Variants in COL27A1 observed in about 807,000 individuals in gnomAD.
The protein encoded by COL27A1 is collagen alpha-1(XXVII) chain.
Under a neutral mutation model 251.3 loss-of-function variants are expected in COL27A1, and 106 were observed. The ratio of observed to expected loss-of-function variants is 0.42; its 90% CI spans 0.36 to 0.50. The LOEUF is 0.50. Ranked by LOEUF, COL27A1 falls within the 20% of genes least tolerant of loss-of-function variation. The probability of loss-of-function intolerance (pLI) is 0.00; values close to 1 mark genes in which losing one functional copy is unlikely to be tolerated. For synonymous variants in COL27A1, 1,000 were observed against 986.3 expected (o/e 1.01, Z -0.26); for missense variants, 2,325 against 2,522.8 (o/e 0.92, Z 1.68).
intron 12 of COL27A1, among the ~76,000 whole-genome samples, chr9:114,211,685 A>T (rs566961731): frequency 4.6e-5 from 7 of 152,350 alleles, no homozygotes; most frequent in South Asian, 4.1e-4. Context: ...ATTGGAACTC[A>T]GTTGGTTTGT....
chr9:114,248,003 C>A (rs750019415), intron 24 of COL27A1, among the ~76,000 whole-genome samples: 9 of 152,184 alleles, frequency 5.9e-5, no homozygotes, highest in African/African-American at 2.2e-4. Flanking sequence ...TCTACACAAT[C>A]GTCTATGGCA....
At chr9:114,254,406 C>A (rs1291781895) in intron 27 of COL27A1, among the ~76,000 whole-genome samples, 1 of 151,942 alleles carries the variant, frequency 6.6e-6, no homozygotes, top group African/African-American at 2.4e-5. Context: ...TCATTTGGAG[C>A]AGGTAGAACT....
intron 8 of COL27A1, among the ~76,000 whole-genome samples, chr9:114,205,352 T>C (rs1025126614): frequency 2.6e-5 from 4 of 152,222 alleles, no homozygotes; most frequent in Non-Finnish European, 4.4e-5. Context: ...CCAGAGTCCA[T>C]GCCAGCCTGA....
chr9:114,247,199 G>A (rs1436502694), intron 24 of COL27A1, among the ~76,000 whole-genome samples: 1 of 152,122 alleles, frequency 6.6e-6, no homozygotes, highest in Non-Finnish European at 1.5e-5. Flanking sequence ...TAAATAATGA[G>A]TTCTAGTAGC....
At chr9:114,214,544 G>C (rs181232966) in intron 12 of COL27A1, among the ~76,000 whole-genome samples, 1 of 152,220 alleles carries the variant, frequency 6.6e-6, no homozygotes, top group Non-Finnish European at 1.5e-5. Flanking sequence ...AGGAACCTTC[G>C]TGATGGCCTG....
At chr9:114,224,648 C>CTTTTTT (rs5900075) in intron 14 of COL27A1, among the ~76,000 whole-genome samples, 14 of 97,338 alleles carry the variant, frequency 1.4e-4, no homozygotes, top group Admixed American at 2.7e-4. Flanking sequence ...CCTCCTGGTT[C>CTTTTTT]TTTTTTTTTT....
At position 114,220,423 on chromosome 9, in the gene COL27A1, C is replaced by A. The variant is rs369017389; in HGVS notation, c.2421+579C>A. 6.0e-4 allele frequency among the ~76,000 whole-genome samples: 92 copies of A among 152,342 alleles called. No homozygotes were observed. The South Asian group carries it at 0.015, about 25-fold the overall frequency. On this transcript the variant is annotated intron_variant, in intron 13 of 60. Transcript: ENST00000356083. ...AGGTGTTCATGGTTCCCCATCTCCC[C>A]CTGGGGCTTCCTGCCTGAGCAGCTG...
At position 114,194,341 on chromosome 9, in the gene COL27A1, G is replaced by A. The variant is rs140795736; in HGVS notation, c.2017-63G>A. 820 of 1,515,204 alleles carry A rather than the reference G, an allele frequency of 5.4e-4. 3 individuals carry two copies. In the African/African-American group the frequency reaches 9.5e-3, roughly 18 times the overall value. The allele number at this position is 1,515,204 out of a possible 1,614,324, so 93.9% of individuals were successfully genotyped here. A position where few individuals can be genotyped will look rare whatever the true frequency, so the allele number is the denominator to read the frequency against. ...GGGAGCAGGGCTTTGAGCAGAGTTT[G>A]TGGGGAGGCAGACATCCTTTCTAGA... On this transcript the variant is annotated intron_variant, in intron 5 of 60. Transcript: ENST00000356083.
chr9:114,260,641 A>G (rs1418280620), intron 28 of COL27A1, among the ~76,000 whole-genome samples: 1 of 151,900 alleles, frequency 6.6e-6, no homozygotes, highest in African/African-American at 2.4e-5. Flanking sequence ...CCCAAGGAAG[A>G]ATGAGCACTG....
chr9:114,277,319 A>C (rs1835570049), intron 37 of COL27A1, among the ~76,000 whole-genome samples: 1 of 152,076 alleles, frequency 6.6e-6, no homozygotes, highest in African/African-American at 2.4e-5. Context: ...ACCTTGAGCC[A>C]ACCAGGTGGT....
At chr9:114,157,001 C>G (rs1169394414) in intron 1 of COL27A1, among the ~76,000 whole-genome samples, 2 of 152,192 alleles carry the variant, frequency 1.3e-5, no homozygotes, top group East Asian at 3.9e-4. Flanking sequence ...CGGGATGACA[C>G]CCCCTCCTTT....
chr9:114,295,802 C>T (rs561154862), intron 49 of COL27A1, among the ~76,000 whole-genome samples: 17 of 152,264 alleles, frequency 1.1e-4, no homozygotes, highest in South Asian at 2.1e-4. Context: ...GGATGCACCA[C>T]GATGCCCGGC....
intron 14 of COL27A1, among the ~76,000 whole-genome samples, chr9:114,224,455 G>A (rs979882466): frequency 3.9e-5 from 6 of 152,006 alleles, no homozygotes; most frequent in South Asian, 2.1e-4. Context: ...CCTTCTTCAG[G>A]CTAAACAATT....
intron 24 of COL27A1, among the ~76,000 whole-genome samples, chr9:114,246,805 C>T (rs146948478): frequency 6.6e-6 from 1 of 151,678 alleles, no homozygotes; most frequent in Non-Finnish European, 1.5e-5. Flanking sequence ...GTCATTCGAG[C>T]GCATTCTGTG....
At chr9:114,177,041 C>G (rs765244009) in intron 3 of COL27A1, among the ~76,000 whole-genome samples, 31 of 152,214 alleles carry the variant, frequency 2.0e-4, no homozygotes, top group Non-Finnish European at 3.8e-4. Flanking sequence ...CCTCGAAAGC[C>G]TGGCTTCCTT....
chr9:114,297,612 T>C (rs1828341810), intron 49 of COL27A1, among the ~76,000 whole-genome samples: 1 of 152,168 alleles, frequency 6.6e-6, no homozygotes, highest in African/African-American at 2.4e-5. Flanking sequence ...AAAAAGCATT[T>C]GACGAAATCC....
chr9:114,217,967 A>T, intron 12 of COL27A1: 1 of 382,410 alleles, frequency 2.6e-6, no homozygotes, highest in Admixed American at 3.1e-5. Context: ...TACAAAAATT[A>T]GCCAGGTGTA....
intron 37 of COL27A1, among the ~76,000 whole-genome samples, chr9:114,280,115 A>G (rs1026828486): frequency 6.6e-6 from 1 of 152,134 alleles, no homozygotes; most frequent in African/African-American, 2.4e-5. Context: ...CTGTATTTAG[A>G]TTTCATAAAA....
At chr9:114,229,647 G>T (rs1831789996) in intron 14 of COL27A1, among the ~76,000 whole-genome samples, 1 of 152,192 alleles carries the variant, frequency 6.6e-6, no homozygotes, top group Admixed American at 6.5e-5. Flanking sequence ...AAACCACACA[G>T]CAGCCAGACA....
Sources: allele counts gnomAD v4.1 joint callset (sites outside exome capture counted in the v4.1 genomes callset), GRCh38; gene constraint gnomAD v4.1.1; transcripts MANE v1.5; gene names NCBI Gene and HGNC (gene_info 2026-07-23, HGNC 2026-07-21).